Variants in KCNG3 observed in about 807,000 individuals in gnomAD.
KCNG3 encodes the protein voltage-gated potassium channel regulatory subunit KCNG3.
Under a neutral mutation model 29.0 loss-of-function variants are expected in KCNG3, and 15 were observed. The observed-to-expected ratio is 0.52, with a 90% CI of 0.35 to 0.80. The LOEUF is 0.80. Among genes scored for constraint, KCNG3 ranks in the 30% least tolerant of loss-of-function variants. The pLI is 0.01. For synonymous variants in KCNG3, 322 were observed against 248.9 expected, an observed-to-expected ratio of 1.29 and a Z score of -2.76; for missense variants, 512 against 605.7, an observed-to-expected ratio of 0.85 and a Z score of 1.62.
chr2:42,394,465 C>T, the KCNG3 span, among the ~76,000 whole-genome samples: 1 of 152,198 alleles, frequency 6.6e-6, no homozygotes, highest in Non-Finnish European at 1.5e-5. Context: ...CTTCTCTAGA[C>T]CCTTGTCACA....
At chr2:42,475,573 G>A (rs906960526) in intron 1 of KCNG3, among the ~76,000 whole-genome samples, 1 of 150,020 alleles carries the variant, frequency 6.7e-6, no homozygotes, top group East Asian at 2.0e-4. Flanking sequence ...CAACTGATCT[G>A]CCCACCTCAG....
At chr2:42,415,216 T>C in the KCNG3 span, among the ~76,000 whole-genome samples, 1 of 152,154 alleles carries the variant, frequency 6.6e-6, no homozygotes, top group Non-Finnish European at 1.5e-5. Context: ...TGTTGCCCCA[T>C]TCAGATAGCA....
the KCNG3 span, among the ~76,000 whole-genome samples, chr2:42,434,485 AAG>A: frequency 7.0e-3 from 863 of 123,300 alleles, 11 homozygotes; most frequent in African/African-American, 0.025. Context: ...AAAAAAAAAA[AAG>A]AGAGAGAGAG....
chr2:42,423,665 T>C, the KCNG3 span, among the ~76,000 whole-genome samples: 3 of 152,310 alleles, frequency 2.0e-5, no homozygotes, highest in South Asian at 4.1e-4. Flanking sequence ...ACAGCATCTA[T>C]TTCATAATCT....
intron 1 of KCNG3, among the ~76,000 whole-genome samples, chr2:42,479,423 C>T (rs536478757): frequency 1.3e-5 from 2 of 152,072 alleles, no homozygotes; most frequent in African/African-American, 2.4e-5. Flanking sequence ...GTGGGCAAAT[C>T]CCTTGAGCTA....
the KCNG3 span, among the ~76,000 whole-genome samples, chr2:42,410,301 A>G: frequency 6.6e-6 from 1 of 152,212 alleles, no homozygotes; most frequent in Non-Finnish European, 1.5e-5. Flanking sequence ...ATGTGTGGGT[A>G]TATCTGTGGT....
the KCNG3 span, among the ~76,000 whole-genome samples, chr2:42,408,407 C>T: frequency 6.6e-6 from 1 of 152,122 alleles, no homozygotes; most frequent in South Asian, 2.1e-4. Context: ...CCTCAGAGGC[C>T]CATAAAAGCC....
chr2:42,488,675 G>A (rs753235031), intron 1 of KCNG3, among the ~76,000 whole-genome samples: 9 of 151,366 alleles, frequency 5.9e-5, no homozygotes, highest in Non-Finnish European at 1.3e-4. Flanking sequence ...TCAGCCTCCT[G>A]AGTAGCTGGG....
chr2:42,390,877 G>A, the KCNG3 span, among the ~76,000 whole-genome samples: 50 of 152,150 alleles, frequency 3.3e-4, no homozygotes, highest in Non-Finnish European at 4.9e-4. Flanking sequence ...CATTTTCTCC[G>A]AGAGTCCAAT....
chr2:42,407,104 A>G, the KCNG3 span, among the ~76,000 whole-genome samples: 64 of 151,748 alleles, frequency 4.2e-4, no homozygotes, highest in Middle Eastern at 3.4e-3. Context: ...ACATGCTTCT[A>G]TACAAATCTA....
At chr2:42,486,901 G>A (rs774197991) in intron 1 of KCNG3, among the ~76,000 whole-genome samples, 1 of 152,076 alleles carries the variant, frequency 6.6e-6, no homozygotes, top group Non-Finnish European at 1.5e-5. Context: ...GCTCACTCCC[G>A]TAATCCCAGC....
chr2:42,402,643 C>A, the KCNG3 span, among the ~76,000 whole-genome samples: 2 of 152,268 alleles, frequency 1.3e-5, no homozygotes, highest in East Asian at 3.9e-4. Context: ...TTTCCTATTA[C>A]CATTTATTGA....
At position 42,493,886 on chromosome 2, in the gene KCNG3, G is replaced by A. The variant is rs1673998549; in HGVS notation, c.-385C>T. 1 of 173,454 alleles carries A rather than the reference G, an allele frequency of 5.8e-6. No homozygotes were observed. Among genetic ancestry groups the A allele is most frequent in the Non-Finnish European group, 1.2e-5 (1 of 82,434 alleles). 10.7% of individuals were successfully genotyped at this position (173,454 alleles called of 1,614,324 possible). On this transcript the variant is annotated 5_prime_UTR_variant, in exon 1 of 2. Coordinates refer to ENST00000306078, the MANE Select transcript of KCNG3 (RefSeq NM_133329.6). ...CCCCTGAGGGCTGCGGGCGCCGAAT[G>A]GAGCCGCCGGGGCGGAATAGCTCCC...
In KCNG3 at chr2:42,462,252, G is replaced by A. The variant is rs62144766; in HGVS notation, c.666-17673C>T. Among the ~76,000 whole-genome samples, 845 of 152,290 alleles carry A rather than the reference G, an allele frequency of 5.5e-3. 3 individuals are homozygous for A. The highest frequency in any genetic ancestry group is 8.9e-3 in the Non-Finnish European group (604 of 68,016). ...GCAAGGGCAAAAAAGCACAACAAGA[G>A]AAGGAATTCAGTCCTGAATTATCAG... On this transcript the variant is annotated intron_variant, in intron 1 of 1. Transcript: ENST00000306078.
chr2:42,417,309 T>C, the KCNG3 span, among the ~76,000 whole-genome samples: 12 of 152,242 alleles, frequency 7.9e-5, no homozygotes, highest in South Asian at 2.5e-3. Context: ...GTATTTATCA[T>C]TTGTAGGTGT....
chr2:42,406,489 G>A, the KCNG3 span, among the ~76,000 whole-genome samples: 1 of 151,036 alleles, frequency 6.6e-6, no homozygotes. Flanking sequence ...AAAGTGCTGG[G>A]ATTACAGGCA....
At chr2:42,395,619 C>T in the KCNG3 span, among the ~76,000 whole-genome samples, 38 of 152,256 alleles carry the variant, frequency 2.5e-4, 1 homozygote, top group South Asian at 3.1e-3. Flanking sequence ...AACAGGATTA[C>T]GTTTCAGTAA....
At position 42,493,861 on chromosome 2, in the gene KCNG3, C is replaced by T. The variant is rs548485081; in HGVS notation, c.-360G>A. ...CCCTCTCCCAAGCCGCGGGGCCGAC[C>T]CCCTGAGGGCTGCGGGCGCCGAATG... On this transcript the variant is annotated 5_prime_UTR_variant, in exon 1 of 2. Transcript: ENST00000306078. The T allele has an allele frequency of 1.0e-5, 2 of 191,052 alleles. No individual in the cohort carries two copies. The highest frequency in any genetic ancestry group is 2.5e-4 in the East Asian group (2 of 7,908). The allele number at this position is 191,052 out of a possible 1,614,324, so 11.8% of individuals were successfully genotyped here.
chr2:42,422,307 G>C, the KCNG3 span, among the ~76,000 whole-genome samples: 1 of 152,094 alleles, frequency 6.6e-6, no homozygotes, highest in Non-Finnish European at 1.5e-5. Context: ...AAAAGGATGA[G>C]CTTGGCTTCT....
Sources: gnomAD v4.1 joint callset for allele counts (sites outside exome capture counted in the v4.1 genomes callset) on GRCh38, gnomAD v4.1.1 for gene constraint, MANE v1.5 for transcripts, NCBI Gene and HGNC (gene_info 2026-07-23, HGNC 2026-07-21) for gene names.